Variants in ANKRD26 observed in about 807,000 individuals in gnomAD.
ANKRD26 encodes the protein ankyrin repeat domain-containing protein 26.
ANKRD26 carries 141 observed loss-of-function variants against 208.7 expected under a neutral mutation model. That is an observed-to-expected ratio of 0.68 (90% CI 0.59 to 0.78). ANKRD26 has a LOEUF of 0.78. Ranked by LOEUF, ANKRD26 falls within the 30% of genes least tolerant of loss-of-function variation. The probability of loss-of-function intolerance (pLI) is 0.00; values close to 1 mark genes in which losing one functional copy is unlikely to be tolerated. For missense variants in ANKRD26, 1,889 were observed against 1,938.7 expected (o/e 0.97, Z 0.48); for synonymous variants, 636 against 660.4 (o/e 0.96, Z 0.57).
exon 5 of ANKRD26, among the ~76,000 whole-genome samples, chr10:26,980,697 A>G (rs1425979476): frequency 6.6e-6 from 1 of 152,128 alleles, no homozygotes; most frequent in Non-Finnish European, 1.5e-5. Flanking sequence ...CAGGAGACGG[A>G]GTTGTAGAAG....
downstream of ANKRD26, among the ~76,000 whole-genome samples, chr10:26,989,132 G>A (rs774929473): frequency 1.3e-5 from 2 of 152,054 alleles, no homozygotes; most frequent in Non-Finnish European, 2.9e-5. Flanking sequence ...TGGAGTGGCT[G>A]AGAATATTTT....
intron 32 of ANKRD26, among the ~76,000 whole-genome samples, chr10:27,010,771 G>A (rs908195308): frequency 1.1e-4 from 16 of 152,076 alleles, no homozygotes; most frequent in Admixed American, 4.6e-4. Flanking sequence ...GCCTCCCAAA[G>A]TGTTGGGATT....
At chr10:27,086,421 A>C (rs1244114480) in intron 5 of ANKRD26, 118 bp downstream of exon 5, 1 of 1,272,946 alleles carries the variant, frequency 7.9e-7, no homozygotes, top group African/African-American at 1.5e-5. Context: ...AAGAAAAAAT[A>C]CACATGCACC....
rs1268868525 is a variant in ANKRD26 at position 27,067,264 on chromosome 10, A to G, written c.1100T>C (p.Ile367Thr). ...ATCAATACCATTTTCTTTTTTTGCAATGCCTGGCTTTGTTGGTTCTTCCTA... is the reference window on the plus strand; with the variant it reads ...ATCAATACCATTTTCTTTTTTTGCAGTGCCTGGCTTTGTTGGTTCTTCCTA... ...LMKEEPTKPGIAKKENGIDII... is the reference protein window; with the variant it reads ...LMKEEPTKPGTAKKENGIDII... Residue 367 changes from isoleucine (I) to threonine (T), a missense_variant, in exon 10 of 34, where the codon ATT (isoleucine) becomes ACT (threonine). Transcript: ENST00000376087. 8 of 1,613,288 alleles carry G rather than the reference A, an allele frequency of 5.0e-6. No individual in the cohort carries two copies. In the African/African-American group the frequency reaches 1.1e-4, roughly 22 times the overall value.
intron 25 of ANKRD26, among the ~76,000 whole-genome samples, chr10:27,030,786 A>C (rs1319681129): frequency 6.6e-6 from 1 of 152,172 alleles, no homozygotes. Flanking sequence ...AAAATAGAAT[A>C]AAAGCTTTAT....
chr10:27,053,452 T>A (rs1333424620), intron 15 of ANKRD26, 62 bp from the exon 16 acceptor site: 1 of 1,050,498 alleles, frequency 9.5e-7, no homozygotes, highest in African/African-American at 1.6e-5. Flanking sequence ...AAAGGTATAG[T>A]CTTTACAGAA....
intron 21 of ANKRD26, among the ~76,000 whole-genome samples, 182 bp from the exon 22 acceptor site, chr10:27,038,236 T>A (rs1238538763): frequency 6.6e-6 from 1 of 152,230 alleles, no homozygotes; most frequent in Non-Finnish European, 1.5e-5. Context: ...AGGACATATA[T>A]ACTTGAAAGG....
chr10:27,100,443 C>CGGTTTCCAATCTCTCCCTCCG lies in ANKRD26; in HGVS notation c.-138_-118dup. Reference sequence around the variant, plus strand: ...CCGCAGCCTCCCAAAGGAAACTCCGCGGTTTCCAATCTCTCCCTCCGGGTT... The same window carrying CGGTTTCCAATCTCTCCCTCCG: ...CCGCAGCCTCCCAAAGGAAACTCCGCGGTTTCCAATCTCTCCCTCCGGGTTTCCAATCTCTCCCTCCGGGTT... On this transcript the variant is annotated 5_prime_UTR_variant, in exon 1 of 34. Transcript: ENST00000376087. 1.4e-6 allele frequency: 2 copies of CGGTTTCCAATCTCTCCCTCCG among 1,455,946 alleles called. No homozygotes were observed. Among genetic ancestry groups the CGGTTTCCAATCTCTCCCTCCG allele is most frequent in the South Asian group, 2.5e-5 (2 of 78,712 alleles). The allele number at this position is 1,455,946 out of a possible 1,614,324, so 90.2% of individuals were successfully genotyped here. A position where few individuals can be genotyped will look rare whatever the true frequency, so the allele number is the denominator to read the frequency against.
intron 29 of ANKRD26, among the ~76,000 whole-genome samples, chr10:27,021,323 T>A (rs374990420): frequency 5.3e-4 from 80 of 152,346 alleles, no homozygotes; most frequent in African/African-American, 1.8e-3. Flanking sequence ...AACGACTACA[T>A]CATATGGCAG....
At chr10:27,040,260 A>T in intron 20 of ANKRD26, 82 bp from the exon 21 acceptor site, 1 of 999,798 alleles carries the variant, frequency 1.0e-6, no homozygotes. Context: ...TCACTCATTA[A>T]GACACTGACC....
intron 5 of ANKRD26, among the ~76,000 whole-genome samples, chr10:26,978,881 T>C (rs1226759722): frequency 6.6e-6 from 1 of 152,184 alleles, no homozygotes. Flanking sequence ...CTTAGGGATA[T>C]AAACTGATAA....
At chr10:26,980,695 G>A (rs549656043) in exon 5 of ANKRD26, among the ~76,000 whole-genome samples, 3 of 152,262 alleles carry the variant, frequency 2.0e-5, no homozygotes, top group South Asian at 2.1e-4. Flanking sequence ...ATCAGGAGAC[G>A]GAGTTGTAGA....
At chr10:27,051,461 ATT>A (rs1411416906) in intron 16 of ANKRD26, 1 of 1,068,358 alleles carries the variant, frequency 9.4e-7, no homozygotes, top group African/African-American at 1.7e-5. Flanking sequence ...TTCGGTTCAT[ATT>A]TTTTGTCTTA....
intron 9 of ANKRD26, among the ~76,000 whole-genome samples, chr10:27,072,051 A>G (rs7902690): frequency 0.3 from 45,108 of 152,120 alleles, 9,240 homozygotes; most frequent in African/African-American, 0.56. Context: ...GGATAACCCC[A>G]TCGGCCAGAA....
the ANKRD26 span, among the ~76,000 whole-genome samples, chr10:26,956,165 C>T: frequency 6.6e-6 from 1 of 152,140 alleles, no homozygotes; most frequent in East Asian, 1.9e-4. Context: ...TGTTATCTTA[C>T]ATATCCTTTA....
chr10:27,041,358 A>C (rs1186539416), intron 20 of ANKRD26, among the ~76,000 whole-genome samples: 1 of 152,170 alleles, frequency 6.6e-6, no homozygotes, highest in Non-Finnish European at 1.5e-5. Context: ...ACCCCATTAA[A>C]AAAAGGAGAG....
intron 4 of ANKRD26, among the ~76,000 whole-genome samples, chr10:27,087,436 T>C (rs2056159393): frequency 6.6e-6 from 1 of 152,252 alleles, no homozygotes; most frequent in Admixed American, 6.5e-5. Context: ...CCCAATTAAA[T>C]GTTTCTCCAA....
At position 27,089,780 on chromosome 10, in the gene ANKRD26, G is replaced by T. The variant is rs1401498236; in HGVS notation, c.638+2626C>A. The stretch of plus-strand genomic sequence containing the variant: ...CACTCCAGCCCAGGTGACAGAGTGA[G>T]ACCCTGTCTCAGAAACAAAACAAAA... On this transcript the variant is annotated intron_variant, in intron 4 of 33. Coordinates refer to ENST00000376087, the MANE Select transcript of ANKRD26 (RefSeq NM_014915.3). 5.9e-5 allele frequency among the ~76,000 whole-genome samples: 9 copies of T among 152,202 alleles called. No homozygotes were observed. The South Asian group carries it at 1.9e-3, about 32-fold the overall frequency.
At chr10:27,068,207 C>T (rs1018989827) in intron 9 of ANKRD26, among the ~76,000 whole-genome samples, 2 of 152,058 alleles carry the variant, frequency 1.3e-5, no homozygotes, top group Non-Finnish European at 2.9e-5. Flanking sequence ...GGTGGTTTCC[C>T]CCATGCTGTT....
Sources: gnomAD v4.1 joint callset for allele counts (sites outside exome capture counted in the v4.1 genomes callset) on GRCh38, gnomAD v4.1.1 for gene constraint, MANE v1.5 for transcripts, NCBI Gene and HGNC (gene_info 2026-07-23, HGNC 2026-07-21) for gene names.